Variants in MCM2 observed in about 807,000 individuals in gnomAD.
MCM2 encodes the protein minichromosome maintenance complex component 2.
A neutral mutation model predicts 86.4 loss-of-function variants in MCM2; 49 were observed. The ratio of observed to expected loss-of-function variants is 0.57; its 90% confidence interval spans 0.45 to 0.72. The LOEUF is 0.72. MCM2 is among the 30% of genes least tolerant of loss of function. The pLI is 0.00. For missense variants in MCM2, 1,038 were observed against 1,259.9 expected (o/e 0.82, Z 2.67); for synonymous variants, 475 against 484.6 (o/e 0.98, Z 0.26).
chr3:127,603,336 G>GTTTT (rs1309945220), intron 2 of MCM2, among the ~76,000 whole-genome samples: 1 of 144,952 alleles, frequency 6.9e-6, no homozygotes, highest in African/African-American at 2.6e-5. Flanking sequence ...TTGTTTGTTT[G>GTTTT]TTTGAGACGG....
Position 127,606,280 on chromosome 3 carries a change from A to T in MCM2, c.836A>T (p.Asn279Ile), listed in dbSNP as rs2074348170. 6.2e-7 allele frequency: 1 copy of T among 1,614,068 alleles called. No homozygotes were observed. Among genetic ancestry groups the T allele is most frequent in the African/African-American group, 1.3e-5 (1 of 74,908 alleles). Residue 279 changes from asparagine to isoleucine, a missense_variant, in exon 5 of 16, where the codon AAC (asparagine) becomes ATC (isoleucine). Coordinates refer to ENST00000265056, the MANE Select transcript of MCM2 (RefSeq NM_004526.4). This position sits in a 1 kb window ranked among gnomAD's most constrained non-coding sequence, Gnocchi z 4.2. Reference sequence around the variant, plus strand: ...TACCCCAAGTACGACCGCATCACCAACCACATCCATGTCCGCATCTCCCAC... The same window carrying T: ...TACCCCAAGTACGACCGCATCACCATCCACATCCATGTCCGCATCTCCCAC... ...AMYPKYDRITNHIHVRISHLP... is the reference protein window; with the variant it reads ...AMYPKYDRITIHIHVRISHLP...
intron 8 of MCM2, chr3:127,610,931 C>T (rs2074390020): frequency 4.4e-6 from 2 of 456,568 alleles, no homozygotes; most frequent in African/African-American, 4.0e-5. Context: ...TCAGTTCAGC[C>T]AACACACATT....
intron 2 of MCM2, among the ~76,000 whole-genome samples, chr3:127,599,873 A>C (rs17538426): frequency 0.011 from 1,657 of 152,344 alleles, 33 homozygotes; most frequent in African/African-American, 0.034. Flanking sequence ...TTTCCCAGTA[A>C]CTTTTCAAAG....
chr3:127,608,943 A>C lies in MCM2; in HGVS notation c.1348A>C (p.Lys450Gln), dbSNP rs2074372109. ...LANHVAKKDN[K>Q]VAVGELTDED... ...CAACCACGTGGCCAAGAAGGACAAC[A>C]AGGTTGCTGTAGGGGAACTGACCGA... Residue 450 changes from lysine (K) to glutamine (Q), a missense_variant, in exon 8 of 16, where the codon AAG becomes CAG. Coordinates refer to ENST00000265056, the MANE Select transcript of MCM2 (RefSeq NM_004526.4). 1.2e-6 allele frequency: 2 copies of C among 1,614,006 alleles called. No individual in the cohort carries two copies. Among genetic ancestry groups the C allele is most frequent in the Admixed American group, 3.3e-5 (2 of 60,000 alleles).
chr3:127,599,644 C>T lies in MCM2; in HGVS notation c.236+97C>T, dbSNP rs565058971. On this transcript the variant is annotated intron_variant, in intron 2 of 15. Transcript: ENST00000265056. The stretch of plus-strand genomic sequence containing the variant: ...CTTTGGGAGCTGGGAGCAGATGAAT[C>T]GATGGCATTCTTGCCTTTGAGCACA... 42 of 1,084,834 alleles carry T rather than the reference C, an allele frequency of 3.9e-5. No individual in the cohort carries two copies. The East Asian group carries it at 9.0e-4, about 23-fold the overall frequency. 67.2% of individuals were successfully genotyped at this position (1,084,834 alleles called of 1,614,324 possible).
rs2074280033 is a variant in MCM2 at position 127,598,893 on chromosome 3, A to G, written c.6+421A>G. The G allele has an allele frequency of 1.2e-5, 4 of 343,264 alleles. 1 individual carries two copies. The highest frequency in any genetic ancestry group is 9.8e-5 in the South Asian group (2 of 20,360). The allele number at this position is 343,264 out of a possible 1,614,324, so 21.3% of individuals were successfully genotyped here. ...TTGTCTTGTATACTGTCTGTTCCACATCTGAGTTCCAGACCTCTTGTTTTG... is the reference window on the plus strand; with the variant it reads ...TTGTCTTGTATACTGTCTGTTCCACGTCTGAGTTCCAGACCTCTTGTTTTG... On this transcript the variant is annotated intron_variant, in intron 1 of 15. Transcript: ENST00000265056.
chr3:127,605,241 G>A (rs984945341), intron 4 of MCM2, 85 bp downstream of exon 4: 25 of 1,530,384 alleles, frequency 1.6e-5, no homozygotes, highest in African/African-American at 1.4e-4. Flanking sequence ...GAGTGAACAC[G>A]TGAAGCACAG....
chr3:127,608,744 C>A, intron 7 of MCM2, 88 bp from the exon 8 acceptor site: 1 of 1,393,242 alleles, frequency 7.2e-7, no homozygotes, highest in Non-Finnish European at 1.0e-6. Flanking sequence ...GTGTGGAGCA[C>A]TTGCAATAGG....
intron 7 of MCM2, 65 bp downstream of exon 7, chr3:127,608,581 G>T: frequency 6.3e-7 from 1 of 1,597,502 alleles, no homozygotes. Flanking sequence ...AGCAGTTGTG[G>T]CTGGGCCGGT....
At chr3:127,615,209 C>G (rs1027290182) in intron 8 of MCM2, among the ~76,000 whole-genome samples, 1 of 152,204 alleles carries the variant, frequency 6.6e-6, no homozygotes, top group African/African-American at 2.4e-5. Flanking sequence ...TGAAAGCTAT[C>G]AAAACATGGC....
intron 8 of MCM2, chr3:127,610,779 G>C: frequency 2.2e-6 from 1 of 456,688 alleles, no homozygotes; most frequent in South Asian, 1.5e-5. Flanking sequence ...CATTGTTCAG[G>C]AAAGCTCCAG....
intron 6 of MCM2, among the ~76,000 whole-genome samples, chr3:127,607,752 G>C (rs1189508649): frequency 6.6e-6 from 1 of 152,192 alleles, no homozygotes; most frequent in Non-Finnish European, 1.5e-5. Context: ...CACAGCTCAT[G>C]AGGCAGGAAC....
At chr3:127,612,903 C>T (rs907097559) in intron 8 of MCM2, among the ~76,000 whole-genome samples, 5 of 152,232 alleles carry the variant, frequency 3.3e-5, no homozygotes, top group Admixed American at 3.3e-4. Flanking sequence ...TCTGTAGGAT[C>T]GAGAGAAACA....
intron 7 of MCM2, 121 bp from the exon 8 acceptor site, chr3:127,608,711 A>T: frequency 8.3e-7 from 1 of 1,209,690 alleles, no homozygotes; most frequent in Non-Finnish European, 1.2e-6. Flanking sequence ...GGTTTTACTG[A>T]GTTACTTATC....
rs564670470 is a variant in MCM2, at chr3:127,614,407, A to G, written c.1429-1455A>G. ...CTGTTTTTTACAGCTTCTTGGAGTC[A>G]TTATCCAAATAAGATCCATAAGTTG... is the stretch of plus-strand genomic sequence containing the variant. On this transcript the variant is annotated intron_variant, in intron 8 of 15. Transcript: ENST00000265056. 2.0e-5 allele frequency among the ~76,000 whole-genome samples: 3 copies of G among 152,276 alleles called. No individual in the cohort carries two copies. In the South Asian group the frequency reaches 6.2e-4, roughly 32 times the overall value.
rs2074453898 is a variant in MCM2, at chr3:127,618,972, T to G, written c.2014-55T>G. On this transcript the variant is annotated intron_variant, in intron 12 of 15. Coordinates refer to ENST00000265056, the MANE Select transcript of MCM2 (RefSeq NM_004526.4). The surrounding 1 kb of genome is among the most constrained non-coding windows in gnomAD (Gnocchi z 4.0). ...CTCAGCCCTTCTCCAGCCACTGACC[T>G]CCCCAAAGCCACGCACACCCACAAT... 6.7e-7 allele frequency: 1 copy of G among 1,499,856 alleles called. No homozygotes were observed. Among genetic ancestry groups the G allele is most frequent in the East Asian group, 2.4e-5 (1 of 41,996 alleles). 92.9% of individuals were successfully genotyped at this position (1,499,856 alleles called of 1,614,324 possible).
At position 127,604,688 on chromosome 3, in the gene MCM2, C is replaced by T. The variant is rs764579927; in HGVS notation, c.317C>T (p.Thr106Met). 20 of 1,612,536 alleles carry T rather than the reference C, an allele frequency of 1.2e-5. No homozygotes were observed. Among genetic ancestry groups the T allele is most frequent in the Admixed American group, 3.3e-5 (2 of 60,000 alleles). Residue 106 changes from threonine (T) to methionine (M), a missense_variant, in exon 3 of 16, where the codon ACG becomes ATG. Around this residue, in one of 4 missense-constraint regions of MCM2, gnomAD observed 300 missense variants for 307.4 expected, o/e 0.98. Transcript: ENST00000265056. ...ALDDEDVEEL[T>M]ASQREAAERA... ...GATGATGAGGACGTAGAGGAGCTGA[C>T]GGCCAGTCAGAGGGAGGCAGCAGAG...
At chr3:127,611,768 G>A (rs1379390517) in intron 8 of MCM2, among the ~76,000 whole-genome samples, 5 of 118,618 alleles carry the variant, frequency 4.2e-5, no homozygotes, top group Admixed American at 3.2e-4. Flanking sequence ...GCGGGATCTC[G>A]GCTCACTGCA....
chr3:127,613,646 CTG>C (rs946333615), intron 8 of MCM2, among the ~76,000 whole-genome samples: 2 of 152,326 alleles, frequency 1.3e-5, no homozygotes, highest in South Asian at 2.1e-4. Flanking sequence ...CATGGGCACT[CTG>C]TGTTACATAA....
Sources: allele counts gnomAD v4.1 joint callset (sites outside exome capture counted in the v4.1 genomes callset), GRCh38; gene constraint gnomAD v4.1.1; regional missense constraint gnomAD v4.1.1; non-coding constraint Gnocchi (gnomAD v3.1); transcripts MANE v1.5; gene names NCBI Gene and HGNC (gene_info 2026-07-23, HGNC 2026-07-21).